Variants in CHN1 observed in about 807,000 individuals in gnomAD.
CHN1 encodes chimerin 1, also known as N-chimaerin.
Under a neutral mutation model 59.5 loss-of-function variants are expected in CHN1, and 37 were observed. The ratio of observed to expected loss-of-function variants is 0.62; its 90% confidence interval spans 0.48 to 0.82. The LOEUF is 0.82. Ranked by LOEUF, CHN1 falls within the 40% of genes least tolerant of loss-of-function variation. The pLI, the probability that CHN1 is intolerant of heterozygous loss-of-function variation, is 0.00. For synonymous variants in CHN1, 206 were observed against 200.4 expected, an observed-to-expected ratio of 1.03 and a Z score of -0.24; for missense variants, 469 against 571.0, an observed-to-expected ratio of 0.82 and a Z score of 1.82.
At chr2:174,889,715 T>TTTG (rs1374442956) in intron 5 of CHN1, among the ~76,000 whole-genome samples, 1 of 152,110 alleles carries the variant, frequency 6.6e-6, no homozygotes, top group Non-Finnish European at 1.5e-5. Context: ...GAAGAAATCC[T>TTTG]AAGGGACTTA....
intron 1 of CHN1, among the ~76,000 whole-genome samples, chr2:174,982,417 G>A (rs552307149): frequency 1.3e-5 from 2 of 152,212 alleles, no homozygotes; most frequent in African/African-American, 4.8e-5. Flanking sequence ...CCCACCAACA[G>A]TGTAAAAGTG....
intron 1 of CHN1, among the ~76,000 whole-genome samples, chr2:174,984,087 A>G (rs1691255036): frequency 1.3e-5 from 2 of 151,484 alleles, no homozygotes. Flanking sequence ...GAAATTTCTT[A>G]GAATTTAATT....
chr2:174,811,363 A>G, intron 10 of CHN1, 148 bp downstream of exon 10: 1 of 551,580 alleles, frequency 1.8e-6, no homozygotes, highest in South Asian at 3.1e-5. Flanking sequence ...CTCAGAAAAA[A>G]GAAGAAATTA....
At chr2:174,881,658 G>A (rs1375187810) in intron 5 of CHN1, among the ~76,000 whole-genome samples, 1 of 152,182 alleles carries the variant, frequency 6.6e-6, no homozygotes, top group African/African-American at 2.4e-5. Flanking sequence ...AGATATGCAT[G>A]GAAGATGGCT....
At chr2:174,860,171 T>C (rs192252547) in intron 6 of CHN1, among the ~76,000 whole-genome samples, 47 of 152,302 alleles carry the variant, frequency 3.1e-4, no homozygotes, top group Non-Finnish European at 5.0e-4. Context: ...ACCAATGAAA[T>C]GAGAGCGTAG....
At chr2:174,832,882 T>C (rs1014520172) in intron 7 of CHN1, among the ~76,000 whole-genome samples, 1 of 152,136 alleles carries the variant, frequency 6.6e-6, no homozygotes. Context: ...GTACTGAATA[T>C]GTAACATTAA....
intron 1 of CHN1, among the ~76,000 whole-genome samples, chr2:174,988,250 G>C (rs563937232): frequency 2.0e-5 from 3 of 151,584 alleles, no homozygotes; most frequent in African/African-American, 7.3e-5. Flanking sequence ...CCAGCTACAC[G>C]GGAGGCTGAG....
chr2:174,981,872 T>C (rs993339054), intron 1 of CHN1, among the ~76,000 whole-genome samples: 1 of 152,182 alleles, frequency 6.6e-6, no homozygotes, highest in Non-Finnish European at 1.5e-5. Flanking sequence ...TGTATACATG[T>C]GCCATGTTGG....
intron 7 of CHN1, chr2:174,846,375 T>C: frequency 6.5e-7 from 1 of 1,548,270 alleles, no homozygotes; most frequent in Non-Finnish European, 8.7e-7. Context: ...GCATCAACAG[T>C]CCCATGGTAG....
rs74815200 is a variant in CHN1, at chr2:174,937,453, C to A, written c.114+7435G>T. On this transcript the variant is annotated intron_variant, in intron 3 of 12. Transcript: ENST00000409900. ...ATTCCGAAAGACAAAGTCACTGGAT[C>A]CATTTTAAAAATTACAATTAGCACC... is the stretch of plus-strand genomic sequence containing the variant. Among the ~76,000 whole-genome samples, 826 of 152,272 alleles carry A rather than the reference C, an allele frequency of 5.4e-3. 5 individuals are homozygous for A. The highest frequency in any genetic ancestry group is 0.02 in the Middle Eastern group (6 of 294).
intron 3 of CHN1, among the ~76,000 whole-genome samples, chr2:174,938,832 T>C (rs1357734100): frequency 1.3e-5 from 2 of 152,078 alleles, no homozygotes; most frequent in Non-Finnish European, 2.9e-5. Flanking sequence ...CATTAGAACA[T>C]GACTATTTTT....
rs58049939 is a variant in CHN1, at chr2:174,869,506, T to A, written c.549+8334A>T. Among the ~76,000 whole-genome samples the A allele has an allele frequency of 3.1e-4, 13 of 41,868 alleles. No homozygotes were observed. In the Admixed American group the frequency reaches 3.9e-3, roughly 13 times the overall value. 27.5% of individuals were successfully genotyped at this position (41,868 alleles called of 152,430 possible). Reference sequence around the variant, plus strand: ...TCTTGTCCTAATAGAAATCCTGGGGTCTGGGTGGGGGTAAGATTTTCTACA... The same window carrying A: ...TCTTGTCCTAATAGAAATCCTGGGGACTGGGTGGGGGTAAGATTTTCTACA... On this transcript the variant is annotated intron_variant, in intron 6 of 12. Coordinates refer to ENST00000409900, the MANE Select transcript of CHN1 (RefSeq NM_001822.7).
intron 1 of CHN1, among the ~76,000 whole-genome samples, chr2:174,964,172 A>G (rs1690521759): frequency 6.6e-6 from 1 of 152,218 alleles, no homozygotes; most frequent in Admixed American, 6.5e-5. Flanking sequence ...AGTGATCTCC[A>G]GATCAGCCTT....
At chr2:174,973,506 C>T (rs1162064319) in intron 1 of CHN1, among the ~76,000 whole-genome samples, 1 of 152,160 alleles carries the variant, frequency 6.6e-6, no homozygotes, top group Non-Finnish European at 1.5e-5. Flanking sequence ...ATTTTCTATG[C>T]ACAAGCAAAA....
chr2:174,830,309 T>A (rs182136626), intron 7 of CHN1, among the ~76,000 whole-genome samples: 3 of 152,312 alleles, frequency 2.0e-5, no homozygotes, highest in Non-Finnish European at 2.9e-5. Context: ...TATATTATTA[T>A]GCCGTGAAAA....
At chr2:174,808,844 AG>A in intron 11 of CHN1, 60 bp downstream of exon 11, 1 of 1,567,312 alleles carries the variant, frequency 6.4e-7, no homozygotes, top group South Asian at 1.1e-5. Context: ...CCAGAAAACC[AG>A]GAAGGTGATT....
intron 1 of CHN1, among the ~76,000 whole-genome samples, chr2:174,980,261 C>T (rs949340881): frequency 2.0e-5 from 3 of 152,114 alleles, no homozygotes; most frequent in African/African-American, 4.8e-5. Flanking sequence ...ACTCTAGAAA[C>T]CAATGTTTGG....
chr2:174,910,449 C>T (rs1027988338), intron 5 of CHN1, among the ~76,000 whole-genome samples: 1 of 151,432 alleles, frequency 6.6e-6, no homozygotes, highest in Non-Finnish European at 1.5e-5. Flanking sequence ...ATGTACTCTG[C>T]AATACATGGA....
chr2:174,896,068 T>G (rs1201933910), intron 5 of CHN1, among the ~76,000 whole-genome samples: 1 of 152,032 alleles, frequency 6.6e-6, no homozygotes, highest in Non-Finnish European at 1.5e-5. Flanking sequence ...CTTCAATTTT[T>G]TTAAATTATA....
Sources: allele counts gnomAD v4.1 joint callset (sites outside exome capture counted in the v4.1 genomes callset), GRCh38; gene constraint gnomAD v4.1.1; transcripts MANE v1.5; gene names NCBI Gene and HGNC (gene_info 2026-07-23, HGNC 2026-07-21).